The following USH2A variants were observed in gnomAD, a reference collection of about 807,000 sequenced individuals.
USH2A encodes Usher syndrome 2A (autosomal recessive, mild).
A neutral mutation model predicts 538.9 loss-of-function variants in USH2A; 443 were observed. That is an observed-to-expected ratio of 0.82 (90% confidence interval 0.76 to 0.89). The LOEUF (loss-of-function observed/expected upper bound fraction) is 0.89. Ranked by LOEUF, USH2A falls within the 40% of genes least tolerant of loss-of-function variation. The pLI, the probability that USH2A is intolerant of heterozygous loss-of-function variation, is 0.00. For missense variants in USH2A, 6,633 were observed against 6,324.8 expected, an observed-to-expected ratio of 1.05 and a Z score of -1.65; for synonymous variants, 2,413 against 2,273.5, an observed-to-expected ratio of 1.06 and a Z score of -1.75.
rs142492998 is a variant in USH2A at position 215,768,525 on chromosome 1, C to T, written c.10940-1737G>A. ...CAGGCACTTATTTGATTACAATCTT[C>T]CATTTGGTTGCTTTGGAGGATTTAC... On this transcript the variant is annotated intron_variant, in intron 55 of 71. Coordinates refer to ENST00000307340, the MANE Select transcript of USH2A (RefSeq NM_206933.4). Among the ~76,000 whole-genome samples, 1,275 of 152,226 alleles carry T rather than the reference C, an allele frequency of 8.4e-3. 19 individuals carry two copies. The highest frequency in any genetic ancestry group is 0.028 in the African/African-American group (1,181 of 41,550).
chr1:216,169,804 G>A (rs549160237), intron 21 of USH2A, among the ~76,000 whole-genome samples: 1 of 152,064 alleles, frequency 6.6e-6, no homozygotes, highest in South Asian at 2.1e-4. Context: ...TATAATTACT[G>A]CCTGTTCATT....
At chr1:216,079,529 T>G (rs2102555676) in intron 26 of USH2A, among the ~76,000 whole-genome samples, 1 of 152,236 alleles carries the variant, frequency 6.6e-6, no homozygotes, top group South Asian at 2.1e-4. Context: ...AGGCACCAAC[T>G]TAGCTAAGAC....
intron 21 of USH2A, among the ~76,000 whole-genome samples, chr1:216,121,301 A>C (rs1035131249): frequency 6.6e-6 from 1 of 152,234 alleles, no homozygotes; most frequent in African/African-American, 2.4e-5. Context: ...GTAATGATAA[A>C]TTTATGAATA....
rs766718888 is a variant in USH2A at position 215,798,912 on chromosome 1, A to G, written c.9953T>C (p.Leu3318Pro). Residue 3318 changes from leucine to proline, a missense_variant, in exon 50 of 72, where the codon CTT (leucine) becomes CCT (proline). Physicochemically the swap from Leu to Pro is moderately conservative, Grantham distance 98 (BLOSUM62 -3). Transcript: ENST00000307340. Reference protein sequence around the residue: ...GGEEGVVYNRLPGMFCCGQDY... With the variant: ...GGEEGVVYNRPPGMFCCGQDY... Reference sequence around the variant, plus strand: ...GGTAGACCTGGGCCCCTTACCTGGAAGGCGATTGTACACCACTCCTTCTTC... The same window carrying G: ...GGTAGACCTGGGCCCCTTACCTGGAGGGCGATTGTACACCACTCCTTCTTC... The G allele has an allele frequency of 6.2e-7, 1 of 1,614,066 alleles. No individual in the cohort carries two copies. The highest frequency in any genetic ancestry group is 2.2e-5 in the East Asian group (1 of 44,876).
rs2037713657 is a variant in USH2A at position 216,325,523 on chromosome 1, G to A, written c.925C>T (p.Pro309Ser). ...QSHCRCPGSH[P>S]RVHPLAQRYC... ...CGCTGTGCCAAAGGGTGGACCCGCGGGTGGCTGCCAGGGCAACGGCAATGT... is the reference window on the plus strand; with the variant it reads ...CGCTGTGCCAAAGGGTGGACCCGCGAGTGGCTGCCAGGGCAACGGCAATGT... The change falls in exon 6 of 72, where the codon CCG becomes TCG. Residue 309 changes from proline (P) to serine (S), a missense_variant. By Grantham distance (74) the Pro-to-Ser change is moderately conservative. Coordinates refer to ENST00000307340, the MANE Select transcript of USH2A (RefSeq NM_206933.4). 4 of 1,613,534 alleles carry A rather than the reference G, an allele frequency of 2.5e-6. No individual in the cohort carries two copies. Among genetic ancestry groups the A allele is most frequent in the African/African-American group, 1.3e-5 (1 of 74,892 alleles).
chr1:215,787,912 C>T (rs568311025), intron 51 of USH2A, among the ~76,000 whole-genome samples: 9 of 152,084 alleles, frequency 5.9e-5, no homozygotes, highest in South Asian at 2.1e-4. Flanking sequence ...GGCTTGGTGG[C>T]GCACACCTGT....
chr1:216,408,056 T>C (rs2102769036), intron 3 of USH2A, among the ~76,000 whole-genome samples: 1 of 152,318 alleles, frequency 6.6e-6, no homozygotes, highest in East Asian at 1.9e-4. Context: ...TTATACAATT[T>C]ATAGCTATTG....
At chr1:215,658,912 A>T (rs1474750071) in intron 64 of USH2A, among the ~76,000 whole-genome samples, 1 of 152,248 alleles carries the variant, frequency 6.6e-6, no homozygotes, top group Non-Finnish European at 1.5e-5. Flanking sequence ...AGCTAAGATC[A>T]CAATCACCAA....
intron 3 of USH2A, among the ~76,000 whole-genome samples, chr1:216,374,402 T>C (rs2102722777): frequency 6.6e-6 from 1 of 152,266 alleles, no homozygotes; most frequent in Non-Finnish European, 1.5e-5. Flanking sequence ...GTCTAATTTT[T>C]CCTCATGATT....
At chr1:215,645,753 A>G (rs1656826875) in intron 67 of USH2A, among the ~76,000 whole-genome samples, 1 of 152,216 alleles carries the variant, frequency 6.6e-6, no homozygotes, top group Non-Finnish European at 1.5e-5. Context: ...ATAATCTGAC[A>G]TAATCTTTCT....
At position 216,073,203 on chromosome 1, in the gene USH2A, T is replaced by A; in HGVS notation, c.5670A>T (p.Gly1890=). 1.9e-6 allele frequency: 3 copies of A among 1,613,894 alleles called. No individual in the cohort carries two copies. Among genetic ancestry groups the A allele is most frequent in the Non-Finnish European group, 2.5e-6 (3 of 1,179,966 alleles). ...TAACAGCACTGTCAGTTGATAGGCA[T>A]CCATCCAGATTGACTCTGACAGCAC... ...SSGAVRVNLD[G]CLSTDSAVNC... The change falls in exon 28 of 72, where the codon GGA becomes GGT. Residue 1890 remains glycine, a synonymous_variant. Transcript: ENST00000307340.
intron 49 of USH2A, among the ~76,000 whole-genome samples, chr1:215,813,253 T>C (rs1662753292): frequency 6.6e-6 from 1 of 152,124 alleles, no homozygotes; most frequent in South Asian, 2.1e-4. Flanking sequence ...CATTCTTCCT[T>C]CCCTTGCCTG....
intron 41 of USH2A, among the ~76,000 whole-genome samples, chr1:215,883,835 T>A (rs1187066258): frequency 6.6e-6 from 1 of 152,228 alleles, no homozygotes. Flanking sequence ...TACCACCTCA[T>A]TATTCTTCCA....
intron 61 of USH2A, among the ~76,000 whole-genome samples, chr1:215,714,297 G>A (rs1282114786): frequency 1.3e-5 from 2 of 152,154 alleles, no homozygotes; most frequent in African/African-American, 4.8e-5. Flanking sequence ...TGTGTGTGAG[G>A]GAGAGTGGAG....
chr1:216,199,456 G>T (rs968878366), intron 17 of USH2A, among the ~76,000 whole-genome samples, 171 bp downstream of exon 17: 1 of 152,168 alleles, frequency 6.6e-6, no homozygotes, highest in Non-Finnish European at 1.5e-5. Flanking sequence ...AAATACACTT[G>T]TTCCACTAAC....
chr1:216,117,981 A>C (rs1444918712), intron 21 of USH2A, among the ~76,000 whole-genome samples: 3 of 151,994 alleles, frequency 2.0e-5, no homozygotes, highest in African/African-American at 7.2e-5. Context: ...TGAAAAAAAA[A>C]GTGTGGGAAG....
intron 70 of USH2A, among the ~76,000 whole-genome samples, chr1:215,631,683 A>G (rs559424279): frequency 1.3e-5 from 2 of 152,314 alleles, no homozygotes; most frequent in African/African-American, 4.8e-5. Flanking sequence ...GCTGAGGATG[A>G]GCCAGTTCCC....
intron 20 of USH2A, among the ~76,000 whole-genome samples, chr1:216,178,777 A>G (rs73098604): frequency 0.065 from 9,882 of 152,172 alleles, 1,040 homozygotes; most frequent in African/African-American, 0.22. Context: ...TAGCCTTATA[A>G]TAAGACTATT....
In USH2A at chr1:216,170,997, C is replaced by T. The variant is rs183428252; in HGVS notation, c.4627+4255G>A. ...ATATCATTGCCCAATTACAAGATCA[C>T]GAAACTATTTTAATTTTCTGCTTTT... On this transcript the variant is annotated intron_variant, in intron 21 of 71. Transcript: ENST00000307340. Among the ~76,000 whole-genome samples the T allele has an allele frequency of 2.0e-3, 300 of 152,066 alleles. 2 individuals carry two copies. The highest frequency in any genetic ancestry group is 3.4e-3 in the Middle Eastern group (1 of 294).
Sources: gnomAD v4.1 joint callset for allele counts (sites outside exome capture counted in the v4.1 genomes callset) on GRCh38, gnomAD v4.1.1 for gene constraint, MANE v1.5 for transcripts, NCBI Gene and HGNC (gene_info 2026-07-23, HGNC 2026-07-21) for gene names.